The following KAZN variants were observed in gnomAD, a reference collection of about 807,000 sequenced individuals.
The protein encoded by KAZN is kazrin, periplakin interacting protein, also known as kazrin.
A neutral mutation model predicts 87.4 loss-of-function variants in KAZN; 40 were observed. That is an observed-to-expected ratio of 0.46 (90% confidence interval 0.36 to 0.60). The LOEUF (loss-of-function observed/expected upper bound fraction) is 0.60, where lower values mean the gene tolerates loss of function less well. KAZN is among the 20% of genes least tolerant of loss of function. The pLI is 0.00. For missense variants in KAZN, 898 were observed against 1,073.9 expected, an observed-to-expected ratio of 0.84 and a Z score of 2.29; for synonymous variants, 466 against 458.3, an observed-to-expected ratio of 1.02 and a Z score of -0.22.
At chr1:14,845,360 A>C (rs1214371453) in intron 1 of KAZN, among the ~76,000 whole-genome samples, 1 of 111,544 alleles carries the variant, frequency 9.0e-6, no homozygotes, top group African/African-American at 3.8e-5. Flanking sequence ...GGGATGGATG[A>C]GTGGATGGAT....
chr1:14,990,894 C>A (rs993064695), intron 2 of KAZN, among the ~76,000 whole-genome samples: 2 of 150,448 alleles, frequency 1.3e-5, no homozygotes, highest in South Asian at 2.1e-4. Context: ...TCTAGTTTGC[C>A]TGATAAAAAT....
At chr1:14,873,024 G>GGA (rs1652338063) in intron 1 of KAZN, among the ~76,000 whole-genome samples, 1 of 86,046 alleles carries the variant, frequency 1.2e-5, no homozygotes, top group African/African-American at 5.4e-5. Context: ...GGATGGATGG[G>GGA]TGGGTGGATA....
chr1:14,540,534 C>T (rs1045379356), intron 2 of KAZN, among the ~76,000 whole-genome samples: 1 of 152,152 alleles, frequency 6.6e-6, no homozygotes, highest in African/African-American at 2.4e-5. Context: ...TGTTGTCACA[C>T]AGAAAGTGTG....
chr1:14,306,545 ACT>A (rs1315748423), intron 2 of KAZN, among the ~76,000 whole-genome samples: 1 of 151,976 alleles, frequency 6.6e-6, no homozygotes, highest in Non-Finnish European at 1.5e-5. Context: ...CAGTCATAAG[ACT>A]CTGCTATGAA....
chr1:14,168,771 C>T (rs1404339650), intron 1 of KAZN, among the ~76,000 whole-genome samples: 1 of 152,108 alleles, frequency 6.6e-6, no homozygotes, highest in African/African-American at 2.4e-5. Context: ...TGGCTGTGGC[C>T]AAATTCCTGA....
At chr1:14,670,131 C>A (rs963598037) in intron 1 of KAZN, among the ~76,000 whole-genome samples, 2 of 140,484 alleles carry the variant, frequency 1.4e-5, no homozygotes, top group Non-Finnish European at 3.1e-5. Flanking sequence ...CTTTTTCATT[C>A]CCTTCCCTTT....
At position 14,557,945 on chromosome 1, in the gene KAZN, A is replaced by T. The variant is rs2148522873; in HGVS notation, c.250-41038A>T. ...TTATTGACCTTCATAAACCCCCTCC[A>T]TTTAGAAGACCCCAAACACCTTTGC... On this transcript the variant is annotated intron_variant, in intron 2 of 16. Transcript: ENST00000636203. Among the ~76,000 whole-genome samples the T allele has an allele frequency of 2.0e-5, 3 of 152,278 alleles. No homozygotes were observed. In the Middle Eastern group the frequency reaches 0.01, roughly 518 times the overall value.
chr1:14,233,353 T>G (rs1015404909), intron 2 of KAZN, among the ~76,000 whole-genome samples: 3 of 152,170 alleles, frequency 2.0e-5, no homozygotes, highest in African/African-American at 4.8e-5. Flanking sequence ...CAGGCTGTTC[T>G]TAAACTCCCA....
intron 1 of KAZN, among the ~76,000 whole-genome samples, chr1:14,814,393 T>G (rs1251830383): frequency 6.6e-6 from 1 of 152,258 alleles, no homozygotes; most frequent in East Asian, 1.9e-4. Flanking sequence ...TTTTTGTATT[T>G]GTAGTAGAGA....
At chr1:14,648,221 G>A (rs926411001) in intron 1 of KAZN, among the ~76,000 whole-genome samples, 1 of 152,198 alleles carries the variant, frequency 6.6e-6, no homozygotes, top group African/African-American at 2.4e-5. Context: ...AGGGAGAAGG[G>A]AACACAGCAA....
chr1:14,985,885 C>T (rs1030083314), intron 2 of KAZN, among the ~76,000 whole-genome samples: 3 of 151,734 alleles, frequency 2.0e-5, no homozygotes, highest in Admixed American at 2.0e-4. Flanking sequence ...TGCCTGTAAT[C>T]CCAGCTACTC....
chr1:14,412,967 GTATAAATATATAAAATA>G (rs1664425923), intron 2 of KAZN, among the ~76,000 whole-genome samples: 1 of 147,970 alleles, frequency 6.8e-6, no homozygotes, highest in African/African-American at 2.5e-5. Context: ...TATATAAAAT[GTATAAATATATAAAATA>G]TAAAAACACA....
At chr1:14,799,424 T>G (rs1197824884) in intron 1 of KAZN, among the ~76,000 whole-genome samples, 2 of 152,224 alleles carry the variant, frequency 1.3e-5, no homozygotes, top group Non-Finnish European at 2.9e-5. Context: ...AAAGCTTTCA[T>G]TAGCTATGAT....
chr1:14,401,973 C>G (rs1193313526), intron 2 of KAZN, among the ~76,000 whole-genome samples: 1 of 151,742 alleles, frequency 6.6e-6, no homozygotes, highest in Non-Finnish European at 1.5e-5. Flanking sequence ...CATCTATTAT[C>G]CAACATTATA....
intron 2 of KAZN, among the ~76,000 whole-genome samples, chr1:14,510,947 CA>C (rs1460582318): frequency 6.6e-6 from 1 of 152,052 alleles, no homozygotes; most frequent in South Asian, 2.1e-4. Flanking sequence ...TCTTAGATGT[CA>C]AAGTTGTCTT....
chr1:14,011,562 G>A (rs1380632088), intron 1 of KAZN, among the ~76,000 whole-genome samples: 1 of 152,154 alleles, frequency 6.6e-6, no homozygotes, highest in African/African-American at 2.4e-5. Context: ...CCTCTGGGCA[G>A]CCTCTTGGTT....
chr1:15,052,580 G>T (rs940384443), intron 4 of KAZN, among the ~76,000 whole-genome samples: 1 of 152,022 alleles, frequency 6.6e-6, no homozygotes, highest in African/African-American at 2.4e-5. Flanking sequence ...TATTGCATGT[G>T]TATGTGTGTG....
chr1:14,854,278 G>T (rs915568331), intron 1 of KAZN, among the ~76,000 whole-genome samples: 1 of 152,256 alleles, frequency 6.6e-6, no homozygotes, highest in Non-Finnish European at 1.5e-5. Flanking sequence ...GCCTAAGACA[G>T]ACTCTGAGTG....
At chr1:14,974,687 C>T (rs1208714406) in intron 2 of KAZN, among the ~76,000 whole-genome samples, 2 of 152,174 alleles carry the variant, frequency 1.3e-5, no homozygotes, top group African/African-American at 4.8e-5. Context: ...CTCAATTCTA[C>T]TGAGTGACAG....
Sources: allele counts gnomAD v4.1 joint callset (sites outside exome capture counted in the v4.1 genomes callset), GRCh38; gene constraint gnomAD v4.1.1; transcripts MANE v1.5; gene names NCBI Gene and HGNC (gene_info 2026-07-23, HGNC 2026-07-21).